The following RBFOX1 variants were observed in gnomAD, a reference collection of about 807,000 sequenced individuals.
RBFOX1 encodes RNA binding fox-1 homolog 1, also known as RNA binding protein fox-1 homolog 1.
A neutral mutation model predicts 57.7 loss-of-function variants in RBFOX1; 8 were observed. That is an observed-to-expected ratio of 0.14 (90% confidence interval 0.08 to 0.25). The LOEUF (loss-of-function observed/expected upper bound fraction) is 0.25, where lower values mean the gene tolerates loss of function less well. Among genes scored for constraint, RBFOX1 ranks in the 10% least tolerant of loss-of-function variants. The pLI is 1.00. For synonymous variants in RBFOX1, 326 were observed against 222.4 expected (o/e 1.47, Z -4.15); for missense variants, 611 against 548.5 (o/e 1.11, Z -1.14).
rs1051051416 is a variant in RBFOX1, at chr16:7,712,110, C to T, written c.*1365C>T. On this transcript the variant is annotated 3_prime_UTR_variant, in exon 16 of 16. Coordinates refer to ENST00000550418, the MANE Select transcript of RBFOX1 (RefSeq NM_018723.4). ...TTTCTCGGATGCAGGGCCAGAGTGA[C>T]ACAGCCGAAAAATTGCAGTTTGTCT... is the stretch of plus-strand genomic sequence containing the variant. The T allele has an allele frequency of 6.6e-6, 1 of 152,608 alleles. No individual in the cohort carries two copies. The highest frequency in any genetic ancestry group is 2.4e-5 in the African/African-American group (1 of 41,442). The allele number at this position is 152,608 out of a possible 1,614,324, so 9.5% of individuals were successfully genotyped here. A position where few individuals can be genotyped will look rare whatever the true frequency, so the allele number is the denominator to read the frequency against.
intron 4 of RBFOX1, among the ~76,000 whole-genome samples, chr16:7,449,608 A>C (rs767869704): frequency 2.6e-5 from 4 of 151,440 alleles, no homozygotes; most frequent in Admixed American, 1.3e-4. Context: ...TCTCTACTCA[A>C]TTCAAGCCTG....
chr16:7,706,513 A>G (rs2082489898), intron 14 of RBFOX1, among the ~76,000 whole-genome samples: 1 of 152,170 alleles, frequency 6.6e-6, no homozygotes, highest in African/African-American at 2.4e-5. Flanking sequence ...ATACATTCAA[A>G]TTGCCCATAT....
At chr16:7,494,288 G>C (rs571067958) in intron 4 of RBFOX1, among the ~76,000 whole-genome samples, 2 of 152,272 alleles carry the variant, frequency 1.3e-5, no homozygotes, top group South Asian at 2.1e-4. Context: ...CAGAACCAAA[G>C]CTCAATTCAG....
chr16:5,276,469 A>G (rs2063142519), intron 1 of RBFOX1, among the ~76,000 whole-genome samples: 1 of 152,222 alleles, frequency 6.6e-6, no homozygotes, highest in Non-Finnish European at 1.5e-5. Flanking sequence ...TCAAAACCAC[A>G]ATGCAATACC....
chr16:7,696,218 G>C (rs1331367990), intron 14 of RBFOX1, among the ~76,000 whole-genome samples: 1 of 152,122 alleles, frequency 6.6e-6, no homozygotes, highest in Non-Finnish European at 1.5e-5. Flanking sequence ...GTGTTGTTTT[G>C]TTTTGGTTTT....
intron 3 of RBFOX1, among the ~76,000 whole-genome samples, chr16:5,632,809 T>C (rs2048558646): frequency 6.6e-6 from 1 of 152,156 alleles, no homozygotes; most frequent in South Asian, 2.1e-4. Flanking sequence ...GTGAGGTAGG[T>C]ACTCTTCCAT....
rs539774807 is a variant in RBFOX1, at chr16:6,498,993, C to A, written c.-63-155610C>A. On this transcript the variant is annotated intron_variant, in intron 2 of 15. Coordinates refer to ENST00000550418, the MANE Select transcript of RBFOX1 (RefSeq NM_018723.4). ...AAAAAGCGACTTATGGTTAATGCAA[C>A]AGTGAAAATAAATTATTACCATTCT... Among the ~76,000 whole-genome samples, 3 of 152,304 alleles carry A rather than the reference C, an allele frequency of 2.0e-5. No homozygotes were observed. The South Asian group carries it at 6.2e-4, about 32-fold the overall frequency.
chr16:6,811,268 C>A (rs1372548448), intron 3 of RBFOX1, among the ~76,000 whole-genome samples: 1 of 152,010 alleles, frequency 6.6e-6, no homozygotes, highest in Non-Finnish European at 1.5e-5. Flanking sequence ...TAAAAGAGAA[C>A]AAAAGAAGAG....
At chr16:7,006,859 C>A (rs948112012) in intron 3 of RBFOX1, among the ~76,000 whole-genome samples, 5 of 152,208 alleles carry the variant, frequency 3.3e-5, no homozygotes, top group African/African-American at 1.2e-4. Flanking sequence ...ACTTTGAACC[C>A]TGCCATTTTC....
At chr16:5,662,133 A>T (rs2049673618) in intron 3 of RBFOX1, among the ~76,000 whole-genome samples, 1 of 152,174 alleles carries the variant, frequency 6.6e-6, no homozygotes, top group Non-Finnish European at 1.5e-5. Context: ...TTTGACAAAC[A>T]TCTTTCCATT....
chr16:5,435,425 T>A (rs2067885653), intron 1 of RBFOX1, among the ~76,000 whole-genome samples: 2 of 152,138 alleles, frequency 1.3e-5, no homozygotes, highest in Admixed American at 6.6e-5. Context: ...GGGAGACTGG[T>A]CAATCCCTTC....
chr16:6,699,167 T>C (rs2061471767), intron 3 of RBFOX1, among the ~76,000 whole-genome samples: 3 of 152,190 alleles, frequency 2.0e-5, no homozygotes, highest in Admixed American at 2.0e-4. Flanking sequence ...CCCTGTCATG[T>C]CAGTTTTTAA....
At chr16:7,258,765 G>A (rs2094800394) in intron 4 of RBFOX1, among the ~76,000 whole-genome samples, 1 of 152,080 alleles carries the variant, frequency 6.6e-6, no homozygotes, top group Non-Finnish European at 1.5e-5. Flanking sequence ...ATTAGTTGCT[G>A]CAACTACTGC....
chr16:7,381,827 C>G (rs770319533), intron 4 of RBFOX1, among the ~76,000 whole-genome samples: 1 of 152,134 alleles, frequency 6.6e-6, no homozygotes, highest in Non-Finnish European at 1.5e-5. Flanking sequence ...GGATCATTCT[C>G]TATGTGGGGA....
chr16:6,594,186 T>G (rs1419231704), intron 2 of RBFOX1, among the ~76,000 whole-genome samples: 1 of 152,088 alleles, frequency 6.6e-6, no homozygotes, highest in Non-Finnish European at 1.5e-5. Flanking sequence ...CTAGTAAGAG[T>G]GTGAAGTGCC....
At chr16:5,697,910 C>T (rs1351127055) in intron 3 of RBFOX1, among the ~76,000 whole-genome samples, 16 of 152,052 alleles carry the variant, frequency 1.1e-4, no homozygotes, top group African/African-American at 3.9e-4. Context: ...TAAGAAAGTT[C>T]CCTACTGTAC....
At chr16:6,696,692 GA>G (rs975906075) in intron 3 of RBFOX1, among the ~76,000 whole-genome samples, 11 of 36,936 alleles carry the variant, frequency 3.0e-4, no homozygotes, top group African/African-American at 5.7e-4. Context: ...TCTCAAAGGA[GA>G]TTTTTTTTTT....
chr16:6,301,374 A>G (rs1599380472), intron 1 of RBFOX1, among the ~76,000 whole-genome samples: 1 of 152,084 alleles, frequency 6.6e-6, no homozygotes, highest in East Asian at 1.9e-4. Flanking sequence ...ATTTTGCCTT[A>G]TTAGGATTAA....
intron 3 of RBFOX1, among the ~76,000 whole-genome samples, chr16:7,030,542 C>G (rs990842200): frequency 3.3e-5 from 5 of 152,156 alleles, no homozygotes; most frequent in African/African-American, 1.2e-4. Context: ...TCACTCTAGT[C>G]TCTGCCTCTG....
Sources: allele counts gnomAD v4.1 joint callset (sites outside exome capture counted in the v4.1 genomes callset), GRCh38; gene constraint gnomAD v4.1.1; transcripts MANE v1.5; gene names NCBI Gene and HGNC (gene_info 2026-07-23, HGNC 2026-07-21).